Variants in PCBD2 observed in about 807,000 individuals in gnomAD.
The protein encoded by PCBD2 is pterin-4-alpha-carbinolamine dehydratase 2.
PCBD2 carries 12 observed loss-of-function variants against 16.4 expected under a neutral mutation model. The observed-to-expected ratio is 0.73, with a 90% CI of 0.47 to 1.19. The LOEUF is 1.19. PCBD2 is among the 50% of genes most tolerant of loss of function. PCBD2 has a pLI of 0.00. For synonymous variants in PCBD2, 58 were observed against 61.8 expected (o/e 0.94, Z 0.29); for missense variants, 138 against 156.8 (o/e 0.88, Z 0.64).
intron 2 of PCBD2, among the ~76,000 whole-genome samples, chr5:134,930,271 C>G (rs1234646136): frequency 6.6e-6 from 1 of 151,976 alleles, no homozygotes; most frequent in African/African-American, 2.4e-5. Flanking sequence ...GTACCTAGCC[C>G]AGGGTTACCT....
chr5:134,929,876 G>A lies in PCBD2; in HGVS notation c.216+19410G>A, dbSNP rs147019249. On this transcript the variant is annotated intron_variant, in intron 2 of 3. Coordinates refer to ENST00000254908, the MANE Select transcript of PCBD2 (RefSeq NM_032151.5). Reference sequence around the variant, plus strand: ...CTGGCTAATTTTTAAAACATTTTTTGTAGAGACAAGGTCTCGCTATGTTGC... The same window carrying A: ...CTGGCTAATTTTTAAAACATTTTTTATAGAGACAAGGTCTCGCTATGTTGC... Among the ~76,000 whole-genome samples the A allele has an allele frequency of 1.2e-3, 186 of 152,166 alleles. 3 individuals are homozygous for A. In the East Asian group the frequency reaches 0.029, roughly 24 times the overall value.
chr5:134,928,221 T>C (rs925176754), intron 2 of PCBD2: 1 of 387,764 alleles, frequency 2.6e-6, no homozygotes, highest in African/African-American at 2.1e-5. Flanking sequence ...GATAGTATTA[T>C]TCCTTCTAGG....
intron 2 of PCBD2, among the ~76,000 whole-genome samples, chr5:134,922,849 T>A (rs867559724): frequency 6.6e-6 from 1 of 152,000 alleles, no homozygotes; most frequent in Non-Finnish European, 1.5e-5. Flanking sequence ...TTTATTTATT[T>A]ATTTTTTTAG....
rs565332391 is a variant in PCBD2, at chr5:134,952,807, TAAAAA to T, written c.217-6221_217-6217del. Among the ~76,000 whole-genome samples the T allele has an allele frequency of 8.8e-3, 1,230 of 139,606 alleles. 9 individuals are homozygous for T. Among genetic ancestry groups the T allele is most frequent in the Middle Eastern group, 0.036 (10 of 276 alleles). 91.6% of individuals were successfully genotyped at this position (139,606 alleles called of 152,430 possible). A position where few individuals can be genotyped will look rare whatever the true frequency, so the allele number is the denominator to read the frequency against. On this transcript the variant is annotated intron_variant, in intron 2 of 3. Transcript: ENST00000254908. ...GGAGATAGAGCGAGACCCTGTCTCT[TAAAAA>T]AAAAAAAAAAAGTTAATTAAAGTCT... is the stretch of plus-strand genomic sequence containing the variant.
intron 2 of PCBD2, among the ~76,000 whole-genome samples, chr5:134,918,656 C>T (rs1260542519): frequency 6.6e-6 from 1 of 152,202 alleles, no homozygotes; most frequent in African/African-American, 2.4e-5. Flanking sequence ...TTTGTAACCA[C>T]AGCAGACTAG....
chr5:134,910,825 C>G (rs1308080075), intron 2 of PCBD2, among the ~76,000 whole-genome samples: 1 of 152,198 alleles, frequency 6.6e-6, no homozygotes, highest in African/African-American at 2.4e-5. Context: ...GGGTCTTGCT[C>G]TGTTGCCCAG....
intron 2 of PCBD2, chr5:134,923,396 G>T (rs539039392): frequency 9.6e-5 from 19 of 198,042 alleles, no homozygotes; most frequent in Non-Finnish European, 1.6e-4. Context: ...GGTGGAAGGT[G>T]ATTTTGTCGG....
At chr5:134,907,686 G>A (rs1385075345) in intron 1 of PCBD2, among the ~76,000 whole-genome samples, 7 of 142,006 alleles carry the variant, frequency 4.9e-5, no homozygotes, top group African/African-American at 1.6e-4. Context: ...GCAGTGGCAC[G>A]ATCTCGGCTC....
In PCBD2 at chr5:134,961,641, A is replaced by G. The variant is rs1751478830; in HGVS notation, c.*960A>G. Among the ~76,000 whole-genome samples the G allele has an allele frequency of 6.6e-6, 1 of 152,176 alleles. No individual in the cohort carries two copies. Among genetic ancestry groups the G allele is most frequent in the Admixed American group, 6.5e-5 (1 of 15,268 alleles). On this transcript the variant is annotated 3_prime_UTR_variant, in exon 4 of 4. Coordinates refer to ENST00000254908, the MANE Select transcript of PCBD2 (RefSeq NM_032151.5). ...ATGGGGAGTATTCACACATTTTATA[A>G]CCCAGAAATTCAAGCAATTCTGGTG...
At chr5:134,940,083 C>T (rs1751207810) in intron 2 of PCBD2, among the ~76,000 whole-genome samples, 2 of 152,090 alleles carry the variant, frequency 1.3e-5, no homozygotes, top group South Asian at 2.1e-4. Context: ...CTCTCCCAGG[C>T]GAAAGAGCTA....
intron 2 of PCBD2, among the ~76,000 whole-genome samples, chr5:134,949,303 G>A (rs1751333531): frequency 1.3e-5 from 2 of 152,018 alleles, no homozygotes; most frequent in Admixed American, 6.5e-5. Flanking sequence ...CTTCTGCTAG[G>A]TTTGGAAAGG....
At chr5:134,925,112 G>T (rs1750969071) in intron 2 of PCBD2, 2 of 397,532 alleles carry the variant, frequency 5.0e-6, no homozygotes, top group East Asian at 7.1e-5. Flanking sequence ...GGGTTTAGTA[G>T]GGTGGGGTTG....
At chr5:134,956,849 C>A (rs1751421168) in intron 2 of PCBD2, among the ~76,000 whole-genome samples, 1 of 152,312 alleles carries the variant, frequency 6.6e-6, no homozygotes, top group South Asian at 2.1e-4. Flanking sequence ...GCAGTATGTG[C>A]CATTACCGAT....
chr5:134,953,608 A>G (rs953131108), intron 2 of PCBD2, among the ~76,000 whole-genome samples: 1 of 152,102 alleles, frequency 6.6e-6, no homozygotes, highest in African/African-American at 2.4e-5. Context: ...CAGCTGGGCC[A>G]ACATGGCGAA....
At chr5:134,916,164 T>C (rs1215876745) in intron 2 of PCBD2, among the ~76,000 whole-genome samples, 10 of 152,110 alleles carry the variant, frequency 6.6e-5, no homozygotes, top group South Asian at 4.1e-4. Flanking sequence ...CATGCACCTG[T>C]GGTCTCAGTT....
rs1750765411 is a variant in PCBD2 at position 134,911,250 on chromosome 5, T to C, written c.216+784T>C. 2.0e-5 allele frequency among the ~76,000 whole-genome samples: 3 copies of C among 152,194 alleles called. No homozygotes were observed. The South Asian group carries it at 6.2e-4, about 31-fold the overall frequency. ...AGTCATCTCCCAGGCTGCACCCTTTTCCCTGACTGGCTTATTTTTCTCCAG... is the reference window on the plus strand; with the variant it reads ...AGTCATCTCCCAGGCTGCACCCTTTCCCCTGACTGGCTTATTTTTCTCCAG... On this transcript the variant is annotated intron_variant, in intron 2 of 3. Transcript: ENST00000254908.
intron 2 of PCBD2, among the ~76,000 whole-genome samples, chr5:134,917,033 T>G (rs1288243004): frequency 2.0e-5 from 3 of 152,240 alleles, no homozygotes; most frequent in Non-Finnish European, 4.4e-5. Flanking sequence ...GCAAGTGACA[T>G]ATAAACTTAG....
At chr5:134,947,649 A>C (rs1751312329) in intron 2 of PCBD2, among the ~76,000 whole-genome samples, 1 of 151,874 alleles carries the variant, frequency 6.6e-6, no homozygotes, top group Non-Finnish European at 1.5e-5. Flanking sequence ...GGCCTCCCAA[A>C]GTGCTGAGAT....
intron 2 of PCBD2, among the ~76,000 whole-genome samples, chr5:134,958,609 C>G (rs1751439833): frequency 6.6e-6 from 1 of 152,166 alleles, no homozygotes; most frequent in South Asian, 2.1e-4. Context: ...TTTCCATAGT[C>G]TTGTGGGTTG....
Sources: gnomAD v4.1 joint callset for allele counts (sites outside exome capture counted in the v4.1 genomes callset) on GRCh38, gnomAD v4.1.1 for gene constraint, MANE v1.5 for transcripts, NCBI Gene and HGNC (gene_info 2026-07-23, HGNC 2026-07-21) for gene names.